The following HMGXB3 variants were observed in gnomAD, a reference collection of about 807,000 sequenced individuals.
The protein encoded by HMGXB3 is HMG-box containing 3.
In HMGXB3, 45 loss-of-function variants were observed where a neutral mutation model predicts 121.5. The ratio of observed to expected loss-of-function variants is 0.37; its 90% CI spans 0.29 to 0.47. The LOEUF is 0.47. Ranked by LOEUF, HMGXB3 falls within the 20% of genes least tolerant of loss-of-function variation. HMGXB3 has a pLI of 0.99. For synonymous variants in HMGXB3, 590 were observed against 624.1 expected (o/e 0.95, Z 0.81); for missense variants, 1,376 against 1,602.2 (o/e 0.86, Z 2.41).
chr5:150,048,712 G>A (rs1342100856), intron 18 of HMGXB3, 27 bp downstream of exon 18: 33 of 1,454,926 alleles, frequency 2.3e-5, no homozygotes, highest in Non-Finnish European at 2.7e-5. Context: ...GGGGAGCTTG[G>A]AGTGAATTTG....
intron 9 of HMGXB3, 44 bp from the exon 10 acceptor site, chr5:150,030,697 T>C (rs1192544022): frequency 7.0e-7 from 1 of 1,427,700 alleles, no homozygotes; most frequent in African/African-American, 1.4e-5. Flanking sequence ...CTCAGGAGTT[T>C]GGCTAAGGTT....
At position 150,024,828 on chromosome 5, in the gene HMGXB3, A is replaced by G. The variant is rs559192915; in HGVS notation, c.1460+148A>G. 6.0e-6 allele frequency: 4 copies of G among 670,408 alleles called. No individual in the cohort carries two copies. In the East Asian group the frequency reaches 8.4e-5, roughly 14 times the overall value. 41.5% of individuals were successfully genotyped at this position (670,408 alleles called of 1,614,324 possible). A position where few individuals can be genotyped will look rare whatever the true frequency, so the allele number is the denominator to read the frequency against. On this transcript the variant is annotated intron_variant, in intron 7 of 19. Coordinates refer to ENST00000502717, the MANE Select transcript of HMGXB3 (RefSeq NM_014983.3). ...TACAGAAACCAAGGCCTAGAGATAT[A>G]TAAAGATTGTCCCTTCCCCCGGACT...
intron 9 of HMGXB3, among the ~76,000 whole-genome samples, chr5:150,029,543 T>C (rs1157727991): frequency 6.6e-6 from 1 of 152,192 alleles, no homozygotes; most frequent in Non-Finnish European, 1.5e-5. Flanking sequence ...AGTAAACATA[T>C]ATACTAAAGG....
intron 5 of HMGXB3, 99 bp from the exon 6 acceptor site, chr5:150,018,467 T>C (rs1438377499): frequency 2.0e-6 from 2 of 1,011,436 alleles, no homozygotes; most frequent in African/African-American, 1.7e-5. Context: ...ATTGGTTATC[T>C]TTCCACAAGC....
At chr5:150,010,652 A>AC in intron 4 of HMGXB3, 44 bp downstream of exon 4, 1 of 1,515,188 alleles carries the variant, frequency 6.6e-7, no homozygotes, top group Non-Finnish European at 8.9e-7. Context: ...GTCTGGAGTT[A>AC]CTTAAAGGGC....
intron 10 of HMGXB3, 100 bp from the exon 11 acceptor site, chr5:150,032,352 ACT>A: frequency 9.3e-7 from 1 of 1,074,444 alleles, no homozygotes; most frequent in Non-Finnish European, 1.3e-6. Flanking sequence ...TGCAGTTGCC[ACT>A]CTCTTCTCTG....
intron 13 of HMGXB3, among the ~76,000 whole-genome samples, chr5:150,040,501 A>C (rs1397404189): frequency 6.6e-6 from 1 of 152,100 alleles, no homozygotes; most frequent in African/African-American, 2.4e-5. Context: ...CAGGTCTCCC[A>C]AAGTGCTGAG....
chr5:150,010,683 A>T (rs1464056174), intron 4 of HMGXB3, 75 bp downstream of exon 4: 1 of 1,379,684 alleles, frequency 7.2e-7, no homozygotes, highest in Non-Finnish European at 9.8e-7. Context: ...ATACAGTGTG[A>T]TTCCAGAGCA....
At chr5:150,026,555 C>A in intron 7 of HMGXB3, 151 bp from the exon 8 acceptor site, 1 of 644,640 alleles carries the variant, frequency 1.6e-6, no homozygotes, top group Non-Finnish European at 2.7e-6. Flanking sequence ...GGCCACACAG[C>A]TATTTAGTGG....
Position 150,048,608 on chromosome 5 carries a change from G to A in HMGXB3, c.3124G>A (p.Val1042Ile), listed in dbSNP as rs1247412160. ...CFSLLALYES[V>I]QNGARAIRPP... ...CTCCTTGTTGGCCCTCTACGAATCT[G>A]TACAGAATGGAGCTAGAGCTATACG... Residue 1042 changes from valine to isoleucine, a missense_variant, in exon 18 of 20, where the codon GTA (valine) becomes ATA (isoleucine). Physicochemically the swap from Val to Ile is conservative, Grantham distance 29 (BLOSUM62 3). Transcript: ENST00000502717. 6.4e-7 allele frequency: 1 copy of A among 1,551,984 alleles called. No homozygotes were observed. The highest frequency in any genetic ancestry group is 1.4e-5 in the African/African-American group (1 of 73,024).
intron 6 of HMGXB3, 27 bp from the exon 7 acceptor site, chr5:150,024,235 G>A (rs777830903): frequency 4.1e-6 from 6 of 1,475,398 alleles, no homozygotes; most frequent in Non-Finnish European, 5.4e-6. Flanking sequence ...AATCCCTTAT[G>A]TATACAAGGT....
rs2113764833 is a variant in HMGXB3, at chr5:150,050,308, C to T, written c.3258C>T (p.Asp1086=). ...GTGAGAGTGCCCGTGACCATGTGGA[C>T]CTGCTTGCCTCTTCCCGCCACTGGC... is the stretch of plus-strand genomic sequence containing the variant. The part of the protein sequence containing the change: ...VRGESARDHV[D]LLASSRHWPP... The change falls in exon 19 of 20, where the codon GAC becomes GAT. Residue 1086 remains aspartate (D), a synonymous_variant. Transcript: ENST00000502717. 3 of 1,551,810 alleles carry T rather than the reference C, an allele frequency of 1.9e-6. No homozygotes were observed. The East Asian group carries it at 7.3e-5, about 38-fold the overall frequency.
intron 3 of HMGXB3, among the ~76,000 whole-genome samples, chr5:150,009,277 A>C (rs1388539323): frequency 1.3e-5 from 2 of 152,110 alleles, no homozygotes; most frequent in African/African-American, 4.8e-5. Flanking sequence ...GGGAAAGTTT[A>C]CCTCCCTGAG....
At chr5:150,014,356 A>C (rs940636614) in intron 5 of HMGXB3, among the ~76,000 whole-genome samples, 11 of 152,254 alleles carry the variant, frequency 7.2e-5, no homozygotes, top group African/African-American at 2.7e-4. Context: ...ACAAACTGTG[A>C]GGTTTATAAA....
intron 15 of HMGXB3, among the ~76,000 whole-genome samples, chr5:150,042,535 G>A (rs545704631): frequency 6.6e-6 from 1 of 152,224 alleles, no homozygotes; most frequent in East Asian, 1.9e-4. Flanking sequence ...GCTCGAACAG[G>A]GTCTGAGGAA....
chr5:150,014,261 C>G (rs773580508), intron 5 of HMGXB3, among the ~76,000 whole-genome samples: 2 of 152,214 alleles, frequency 1.3e-5, no homozygotes, highest in Non-Finnish European at 2.9e-5. Flanking sequence ...ATGTTCATGT[C>G]TAGTACTTGG....
chr5:150,045,066 ATTGT>A (rs879026774), intron 15 of HMGXB3, among the ~76,000 whole-genome samples: 3 of 152,148 alleles, frequency 2.0e-5, no homozygotes, highest in Admixed American at 2.0e-4. Context: ...TGTTGACGTG[ATTGT>A]TCTGTCTCTT....
chr5:150,005,731 C>CTA (rs1376424007), intron 2 of HMGXB3, among the ~76,000 whole-genome samples: 1 of 152,120 alleles, frequency 6.6e-6, no homozygotes, highest in Non-Finnish European at 1.5e-5. Context: ...ACTTGTGAAA[C>CTA]TACCAGCATT....
Position 150,016,218 on chromosome 5 carries a change from C to T in HMGXB3, c.910-2348C>T, listed in dbSNP as rs1212769891. ...AATAGTTGGGTGTGGTGGTACACAC[C>T]TATAGTCCCAGCTACTCAGGGCTGA... is the stretch of plus-strand genomic sequence containing the variant. On this transcript the variant is annotated intron_variant, in intron 5 of 19. Coordinates refer to ENST00000502717, the MANE Select transcript of HMGXB3 (RefSeq NM_014983.3). Among the ~76,000 whole-genome samples the T allele has an allele frequency of 2.6e-5, 4 of 151,820 alleles. No individual in the cohort carries two copies. The South Asian group carries it at 6.2e-4, about 24-fold the overall frequency.
Sources: allele counts gnomAD v4.1 joint callset (sites outside exome capture counted in the v4.1 genomes callset), GRCh38; gene constraint gnomAD v4.1.1; transcripts MANE v1.5; gene names NCBI Gene and HGNC (gene_info 2026-07-23, HGNC 2026-07-21).